The following PTDSS2 variants were observed in gnomAD, a reference collection of about 807,000 sequenced individuals.
PTDSS2 encodes the protein PSS-2.
PTDSS2 carries 41 observed loss-of-function variants against 64.7 expected under a neutral mutation model. That is an observed-to-expected ratio of 0.63 (90% CI 0.49 to 0.82). The LOEUF (loss-of-function observed/expected upper bound fraction) is 0.82. Among genes scored for constraint, PTDSS2 ranks in the 40% least tolerant of loss-of-function variants. The pLI is 0.00. For synonymous variants in PTDSS2, 297 were observed against 277.8 expected (o/e 1.07, Z -0.69); for missense variants, 485 against 650.0 (o/e 0.75, Z 2.76).
At chr11:457,670 T>TAAA (rs1846660349) in intron 1 of PTDSS2, among the ~76,000 whole-genome samples, 1 of 152,256 alleles carries the variant, frequency 6.6e-6, no homozygotes, top group South Asian at 2.1e-4. Flanking sequence ...TTTCCCGTTT[T>TAAA]AGGTTATTAT....
At chr11:478,819 A>C (rs1316613335) in intron 3 of PTDSS2, among the ~76,000 whole-genome samples, 3 of 152,206 alleles carry the variant, frequency 2.0e-5, no homozygotes, top group Non-Finnish European at 4.4e-5. Context: ...CAAGGCAGGG[A>C]TGTGTGCTGA....
intron 1 of PTDSS2, among the ~76,000 whole-genome samples, chr11:453,308 A>G (rs1023700223): frequency 6.6e-6 from 1 of 152,030 alleles, no homozygotes; most frequent in Middle Eastern, 3.2e-3. Flanking sequence ...CGGTCTGGAA[A>G]TTGTTTGGGA....
intron 1 of PTDSS2, among the ~76,000 whole-genome samples, chr11:451,148 C>T (rs568152919): frequency 6.6e-6 from 1 of 152,336 alleles, no homozygotes; most frequent in South Asian, 2.1e-4. Flanking sequence ...GAGTGTTGTG[C>T]GTGCTTCAGG....
At chr11:474,205 C>T (rs538163024) in intron 3 of PTDSS2, among the ~76,000 whole-genome samples, 4 of 152,238 alleles carry the variant, frequency 2.6e-5, no homozygotes, top group African/African-American at 9.6e-5. Flanking sequence ...GGCCCTTTCA[C>T]TCTTCCCTGT....
intron 4 of PTDSS2, among the ~76,000 whole-genome samples, chr11:486,537 T>C (rs1434691556): frequency 4.6e-5 from 7 of 152,164 alleles, no homozygotes; most frequent in Non-Finnish European, 1.0e-4. Context: ...GTGACTGAGA[T>C]GCAGTTTACA....
chr11:454,573 G>A (rs574044719), intron 1 of PTDSS2, among the ~76,000 whole-genome samples: 2 of 152,296 alleles, frequency 1.3e-5, no homozygotes, highest in African/African-American at 4.8e-5. Context: ...TTGGGAGGCC[G>A]AGGCAGGTGG....
intron 3 of PTDSS2, among the ~76,000 whole-genome samples, chr11:474,602 G>C (rs1847635353): frequency 6.6e-6 from 1 of 152,178 alleles, no homozygotes; most frequent in Non-Finnish European, 1.5e-5. Flanking sequence ...ACCCTCGTGG[G>C]CCAGAGCATC....
chr11:450,256 G>GC (rs1407530553), upstream of PTDSS2: 2 of 387,726 alleles, frequency 5.2e-6, no homozygotes, highest in East Asian at 7.8e-5. Flanking sequence ...GGCCCAGCAT[G>GC]CCCCGCGCGG....
At chr11:469,028 GA>G in intron 2 of PTDSS2, among the ~76,000 whole-genome samples, 1 of 129,932 alleles carries the variant, frequency 7.7e-6, no homozygotes, top group African/African-American at 2.9e-5. Flanking sequence ...TGGGTAATCG[GA>G]AGGAGGAGGA....
chr11:455,990 C>T (rs1396169574), intron 1 of PTDSS2, among the ~76,000 whole-genome samples: 1 of 152,132 alleles, frequency 6.6e-6, no homozygotes, highest in Non-Finnish European at 1.5e-5. Context: ...ATGACCTTCA[C>T]AGTGTCACTT....
At chr11:488,462 T>C in intron 7 of PTDSS2, 67 bp from the exon 8 acceptor site, 1 of 1,433,826 alleles carries the variant, frequency 7.0e-7, no homozygotes, top group Non-Finnish European at 9.8e-7. Context: ...CCTGTGCTCT[T>C]CCGGGGTCCT....
intron 1 of PTDSS2, 67 bp downstream of exon 1, chr11:450,704 C>G: frequency 8.3e-7 from 1 of 1,206,872 alleles, no homozygotes; most frequent in Non-Finnish European, 1.0e-6. Context: ...GCACCGCTGG[C>G]CTGGGGGTCC....
chr11:489,436 G>A lies in PTDSS2; in HGVS notation c.891G>A (p.Pro297=), dbSNP rs112480384. Residue 297 remains proline (P), a synonymous_variant, in exon 9 of 12, where the codon CCG becomes CCA. Transcript: ENST00000308020. ...AGAGGATCGCCTTCCAGTTCACGCC[G>A]TACAGCTGGGTTCGCTTCGAGTGGA... ...KMKRIAFQFT[P]YSWVRFEWKP... is the part of the protein sequence containing the mutation. 7.4e-4 allele frequency: 1,187 copies of A among 1,613,480 alleles called. 9 individuals are homozygous for A. In the African/African-American group the frequency reaches 0.013, roughly 17 times the overall value.
intron 4 of PTDSS2, among the ~76,000 whole-genome samples, chr11:485,719 C>CTG (rs1554956292): frequency 9.0e-6 from 1 of 110,734 alleles, no homozygotes; most frequent in East Asian, 2.5e-4. Context: ...CGAGTGTAAA[C>CTG]TGCACGGGCG....
Position 479,122 on chromosome 11 carries a change from C to T in PTDSS2, c.405C>T (p.Tyr135=), listed in dbSNP as rs753207605. The T allele has an allele frequency of 5.6e-6, 9 of 1,614,098 alleles. No individual in the cohort carries two copies. The highest frequency in any genetic ancestry group is 6.8e-6 in the Non-Finnish European group (8 of 1,179,962). Residue 135 remains tyrosine, a synonymous_variant, in exon 4 of 12, where the codon TAC becomes TAT. Coordinates refer to ENST00000308020, the MANE Select transcript of PTDSS2 (RefSeq NM_030783.3). The surrounding 1 kb of genome is among the most constrained non-coding windows in gnomAD (Gnocchi z 4.2). ...WRFWLCVSVV[Y]ELFLIFILFQ... ...TTTGGCTCTGCGTGAGTGTGGTCTACGAGCTGTTTCTCATCTTTATACTCT... is the reference window on the plus strand; with the variant it reads ...TTTGGCTCTGCGTGAGTGTGGTCTATGAGCTGTTTCTCATCTTTATACTCT...
chr11:487,667 G>A (rs544622547), intron 6 of PTDSS2, among the ~76,000 whole-genome samples, 197 bp downstream of exon 6: 26 of 152,164 alleles, frequency 1.7e-4, no homozygotes, highest in Non-Finnish European at 3.5e-4. Context: ...TCGGGTCCCC[G>A]CTCCGTCCTC....
upstream of PTDSS2, among the ~76,000 whole-genome samples, chr11:449,899 G>A (rs764536349): frequency 4.2e-4 from 64 of 152,186 alleles, no homozygotes; most frequent in Non-Finnish European, 8.2e-4. Flanking sequence ...AGTGAGCCGG[G>A]ATCGCGCCAT....
upstream of PTDSS2, chr11:450,236 C>T: frequency 2.7e-6 from 1 of 374,360 alleles, no homozygotes; most frequent in Admixed American, 4.6e-5. Flanking sequence ...CCCGCGACGT[C>T]GGACCACAAG....
In PTDSS2 at chr11:479,632, C is replaced by T. The variant is rs112367202; in HGVS notation, c.435+480C>T. ...GGGCAAATCTGGGCCTCAGAGGGGACCCCAGCGCCAAGAGGGACGGGGTCT... is the reference window on the plus strand; with the variant it reads ...GGGCAAATCTGGGCCTCAGAGGGGATCCCAGCGCCAAGAGGGACGGGGTCT... On this transcript the variant is annotated intron_variant, in intron 4 of 11. Transcript: ENST00000308020. This position sits in a 1 kb window ranked among gnomAD's most constrained non-coding sequence, Gnocchi z 4.2. 7.2e-5 allele frequency among the ~76,000 whole-genome samples: 11 copies of T among 152,304 alleles called. No individual in the cohort carries two copies. Among genetic ancestry groups the T allele is most frequent in the African/African-American group, 2.4e-4 (10 of 41,548 alleles).
Sources: allele counts gnomAD v4.1 joint callset (sites outside exome capture counted in the v4.1 genomes callset), GRCh38; gene constraint gnomAD v4.1.1; non-coding constraint Gnocchi (gnomAD v3.1); transcripts MANE v1.5; gene names NCBI Gene and HGNC (gene_info 2026-07-23, HGNC 2026-07-21).